LRRFIP2: variants seen among roughly 807,000 people sequenced by gnomAD.
LRRFIP2 encodes leucine-rich repeat flightless-interacting protein 2.
In LRRFIP2, 109 loss-of-function variants were observed where a neutral mutation model predicts 125.9. The observed-to-expected ratio is 0.87, with a 90% confidence interval of 0.74 to 1.01. LRRFIP2 has a LOEUF of 1.01. Ranked by LOEUF, LRRFIP2 falls within the 50% of genes least tolerant of loss-of-function variation. The pLI is 0.00. For missense variants in LRRFIP2, 850 were observed against 862.3 expected, an observed-to-expected ratio of 0.99 and a Z score of 0.18; for synonymous variants, 291 against 293.1, an observed-to-expected ratio of 0.99 and a Z score of 0.07.
At chr3:37,170,239 T>C (rs911880357) in intron 1 of LRRFIP2, 13 of 152,342 alleles carry the variant, frequency 8.5e-5, no homozygotes, top group African/African-American at 2.6e-4. Context: ...TAAGTTTGTA[T>C]GCTGAATTCT....
Position 37,109,670 on chromosome 3 carries a change from T to C in LRRFIP2, c.547A>G (p.Thr183Ala), listed in dbSNP as rs773335626. 30 of 1,613,962 alleles carry C rather than the reference T, an allele frequency of 1.9e-5. No individual in the cohort carries two copies. The East Asian group carries it at 6.5e-4, about 35-fold the overall frequency. Residue 183 changes from threonine (T) to alanine (A), a missense_variant, in exon 10 of 28, where the codon ACA (threonine) becomes GCA (alanine). Transcript: ENST00000336686. ...GTACTAACCCTGTCACTCTTATATGTTGCCAGAGGGTCACTGTACAGGGAA... is the reference window on the plus strand; with the variant it reads ...GTACTAACCCTGTCACTCTTATATGCTGCCAGAGGGTCACTGTACAGGGAA... ...SSSLYSDPLA[T>A]YKSDRASPTA...
chr3:37,053,659 C>T lies in LRRFIP2; in HGVS notation c.*192G>A, dbSNP rs1454893375. The T allele has an allele frequency of 2.1e-5, 12 of 570,204 alleles. No individual in the cohort carries two copies. The highest frequency in any genetic ancestry group is 3.5e-5 in the Non-Finnish European group (11 of 317,892). 35.3% of individuals were successfully genotyped at this position (570,204 alleles called of 1,614,324 possible). A position where few individuals can be genotyped will look rare whatever the true frequency, so the allele number is the denominator to read the frequency against. ...CTGGTTCTACCCTAGAATCAAACTACAACAAAATCCAAAGTGTTCATTCAT... is the reference window on the plus strand; with the variant it reads ...CTGGTTCTACCCTAGAATCAAACTATAACAAAATCCAAAGTGTTCATTCAT... On this transcript the variant is annotated 3_prime_UTR_variant, in exon 28 of 28. Coordinates refer to ENST00000336686, the MANE Select transcript of LRRFIP2 (RefSeq NM_006309.4).
chr3:37,158,793 G>A (rs2096264588), intron 1 of LRRFIP2, among the ~76,000 whole-genome samples: 1 of 149,956 alleles, frequency 6.7e-6, no homozygotes, highest in Non-Finnish European at 1.5e-5. Context: ...TATGAAGGAG[G>A]CTCTAAAGCT....
intron 4 of LRRFIP2, among the ~76,000 whole-genome samples, chr3:37,127,078 C>T (rs887707550): frequency 3.3e-5 from 5 of 152,044 alleles, no homozygotes; most frequent in South Asian, 2.1e-4. Flanking sequence ...AGTTAAGAAG[C>T]CCTGTAATAG....
chr3:37,155,882 T>G (rs757924814), intron 1 of LRRFIP2, among the ~76,000 whole-genome samples: 14 of 152,026 alleles, frequency 9.2e-5, no homozygotes, highest in Non-Finnish European at 1.8e-4. Flanking sequence ...TAAAAAAAGT[T>G]TTTTTTTGGA....
chr3:37,160,840 T>C (rs1412656878), intron 1 of LRRFIP2, among the ~76,000 whole-genome samples: 1 of 147,576 alleles, frequency 6.8e-6, no homozygotes, highest in Non-Finnish European at 1.5e-5. Flanking sequence ...AACATGACAG[T>C]AGAAATTAAA....
rs1298969051 is a variant in LRRFIP2, at chr3:37,162,644, A to AG, written c.-56+11894dup. Among the ~76,000 whole-genome samples the AG allele has an allele frequency of 2.6e-5, 4 of 152,340 alleles. No homozygotes were observed. In the East Asian group the frequency reaches 7.7e-4, roughly 29 times the overall value. On this transcript the variant is annotated intron_variant, in intron 1 of 27. Transcript: ENST00000336686. ...AAGTAAAACTGAAAAACCAACAGAGAGGGAAACTTAGCATACAGGAAATAA... is the reference window on the plus strand; with the variant it reads ...AAGTAAAACTGAAAAACCAACAGAGAGGGGAAACTTAGCATACAGGAAATAA...
chr3:37,055,037 G>T, intron 26 of LRRFIP2, 49 bp downstream of exon 26: 1 of 1,250,264 alleles, frequency 8.0e-7, no homozygotes, highest in South Asian at 1.3e-5. Flanking sequence ...TAGCCACTTA[G>T]ATGCAGGAAG....
At chr3:37,055,579 A>T (rs2086606296) in intron 25 of LRRFIP2, among the ~76,000 whole-genome samples, 1 of 152,186 alleles carries the variant, frequency 6.6e-6, no homozygotes, top group African/African-American at 2.4e-5. Context: ...CCAAAAAAAA[A>T]TTACAAAATA....
chr3:37,096,725 A>T, intron 15 of LRRFIP2, 65 bp from the exon 16 acceptor site: 1 of 861,364 alleles, frequency 1.2e-6, no homozygotes, highest in Non-Finnish European at 1.8e-6. Flanking sequence ...TTGGGAGGAA[A>T]AAAGTGATCT....
intron 18 of LRRFIP2, among the ~76,000 whole-genome samples, chr3:37,086,489 A>G (rs1176260707): frequency 6.6e-6 from 1 of 152,252 alleles, no homozygotes; most frequent in Non-Finnish European, 1.5e-5. Context: ...CTATCAACTG[A>G]CAAATGGATT....
At chr3:37,078,171 A>T (rs1248073111) in intron 19 of LRRFIP2, among the ~76,000 whole-genome samples, 1 of 152,134 alleles carries the variant, frequency 6.6e-6, no homozygotes, top group Non-Finnish European at 1.5e-5. Flanking sequence ...TGATAATTAA[A>T]TTTTTTAAAA....
intron 2 of LRRFIP2, among the ~76,000 whole-genome samples, chr3:37,144,757 G>A (rs1046525111): frequency 6.6e-6 from 1 of 152,188 alleles, no homozygotes; most frequent in Admixed American, 6.5e-5. Flanking sequence ...CTGAGCCAAT[G>A]AGGTCTGGAA....
intron 7 of LRRFIP2, 31 bp downstream of exon 7, chr3:37,115,023 C>T (rs1197811527): frequency 6.5e-7 from 1 of 1,539,032 alleles, no homozygotes; most frequent in South Asian, 1.2e-5. Flanking sequence ...AGTAAAATTC[C>T]ACATATAACA....
intron 1 of LRRFIP2, among the ~76,000 whole-genome samples, chr3:37,151,131 G>A (rs1199224656): frequency 6.6e-6 from 1 of 152,154 alleles, no homozygotes; most frequent in African/African-American, 2.4e-5. Flanking sequence ...GGCCAAGGCG[G>A]GCAAATCACA....
At chr3:37,163,810 G>A (rs1475669032) in intron 1 of LRRFIP2, among the ~76,000 whole-genome samples, 1 of 152,160 alleles carries the variant, frequency 6.6e-6, no homozygotes, top group Non-Finnish European at 1.5e-5. Context: ...GGTCCCAAGA[G>A]AATGACTAAT....
intron 8 of LRRFIP2, among the ~76,000 whole-genome samples, chr3:37,112,407 A>AT (rs751931444): frequency 2.0e-5 from 3 of 152,274 alleles, no homozygotes; most frequent in Non-Finnish European, 4.4e-5. Context: ...AGTGACTAGA[A>AT]TAAAGAGTAT....
At chr3:37,054,253 T>TA (rs1335881148) in intron 27 of LRRFIP2, among the ~76,000 whole-genome samples, 158 bp downstream of exon 27, 1 of 152,182 alleles carries the variant, frequency 6.6e-6, no homozygotes, top group African/African-American at 2.4e-5. Context: ...TAAAAGTAAA[T>TA]GGCAGTCACT....
chr3:37,116,299 ATTTT>A (rs35875604), intron 6 of LRRFIP2, among the ~76,000 whole-genome samples: 1 of 147,380 alleles, frequency 6.8e-6, no homozygotes, highest in African/African-American at 2.5e-5. Context: ...TACTTACCTA[ATTTT>A]TTTTTTTTTA....
Sources: allele counts gnomAD v4.1 joint callset (sites outside exome capture counted in the v4.1 genomes callset), GRCh38; gene constraint gnomAD v4.1.1; transcripts MANE v1.5; gene names NCBI Gene and HGNC (gene_info 2026-07-23, HGNC 2026-07-21).